The following PRTG variants were observed in gnomAD, a reference collection of about 807,000 sequenced individuals.
PRTG encodes the protein protogenin.
A neutral mutation model predicts 122.5 loss-of-function variants in PRTG; 67 were observed. The ratio of observed to expected loss-of-function variants is 0.55; its 90% confidence interval spans 0.45 to 0.67. PRTG has a LOEUF of 0.67. Ranked by LOEUF, PRTG falls within the 30% of genes least tolerant of loss-of-function variation. The probability of loss-of-function intolerance (pLI) is 0.00; values close to 1 mark genes in which losing one functional copy is unlikely to be tolerated. For missense variants in PRTG, 1,435 were observed against 1,415.4 expected, an observed-to-expected ratio of 1.01 and a Z score of -0.22; for synonymous variants, 554 against 501.1, an observed-to-expected ratio of 1.11 and a Z score of -1.41.
chr15:55,716,140 G>C (rs1055586975), intron 2 of PRTG, among the ~76,000 whole-genome samples: 4 of 152,176 alleles, frequency 2.6e-5, no homozygotes, highest in Admixed American at 2.0e-4. Context: ...GGCTGAGACG[G>C]GAGAATCGCT....
intron 2 of PRTG, among the ~76,000 whole-genome samples, chr15:55,707,294 A>G (rs1438646272): frequency 2.6e-5 from 4 of 152,236 alleles, no homozygotes; most frequent in African/African-American, 4.8e-5. Flanking sequence ...TGTACCTTCT[A>G]TAGGACAAAA....
At position 55,683,887 on chromosome 15, in the gene PRTG, C is replaced by T. The variant is rs749042100; in HGVS notation, c.442G>A (p.Glu148Lys). 4 of 1,613,480 alleles carry T rather than the reference C, an allele frequency of 2.5e-6. No individual in the cohort carries two copies. Among genetic ancestry groups the T allele is most frequent in the East Asian group, 4.5e-5 (2 of 44,858 alleles). Residue 148 changes from glutamate (E) to lysine (K), a missense_variant, in exon 3 of 20, where the codon GAA (glutamate) becomes AAA (lysine). Glu to Lys is a moderately conservative substitution (Grantham distance 56). Transcript: ENST00000389286. ...CATGCAAATCGAGCAACTCCACCTT[C>T]GTGGACCTCAGTGGAAATTGGCTGG... The part of the protein sequence containing the change: ...EVQPISTEVH[E>K]GGVARFACKI...
At chr15:55,705,491 G>A (rs982060240) in intron 2 of PRTG, among the ~76,000 whole-genome samples, 2 of 152,074 alleles carry the variant, frequency 1.3e-5, no homozygotes. Context: ...AGAGGGTCTC[G>A]CTCTGTCGCT....
chr15:55,723,112 G>C (rs967796270), intron 2 of PRTG, among the ~76,000 whole-genome samples: 1 of 152,016 alleles, frequency 6.6e-6, no homozygotes, highest in African/African-American at 2.4e-5. Flanking sequence ...CCCAAAACTG[G>C]TCCATGACCA....
chr15:55,699,104 A>G (rs1247820706), intron 2 of PRTG, among the ~76,000 whole-genome samples: 4 of 152,158 alleles, frequency 2.6e-5, no homozygotes, highest in African/African-American at 9.7e-5. Context: ...GGATTTTTGG[A>G]GCTAATAGAT....
chr15:55,691,588 G>A (rs1424839593), intron 2 of PRTG, among the ~76,000 whole-genome samples: 1 of 151,070 alleles, frequency 6.6e-6, no homozygotes, highest in African/African-American at 2.4e-5. Context: ...GGCTGAGGCA[G>A]AAGAATCGCC....
At chr15:55,659,749 G>A (rs902907436) in intron 11 of PRTG, among the ~76,000 whole-genome samples, 8 of 151,670 alleles carry the variant, frequency 5.3e-5, no homozygotes, top group African/African-American at 1.9e-4. Flanking sequence ...GTGAAACCCC[G>A]TCTCTACTAA....
At position 55,628,834 on chromosome 15, in the gene PRTG, C is replaced by T. The variant is rs377150140; in HGVS notation, c.2794G>A (p.Ala932Thr). The change falls in exon 16 of 20, where the codon GCT (alanine) becomes ACT (threonine). Residue 932 changes from alanine to threonine, a missense_variant. Coordinates refer to ENST00000389286, the MANE Select transcript of PRTG (RefSeq NM_173814.6). Reference sequence around the variant, plus strand: ...GCAGTATACAGACCTTTGGCATCAGCAGAATCTAAACGCTTGGGCCTCTGA... The same window carrying T: ...GCAGTATACAGACCTTTGGCATCAGTAGAATCTAAACGCTTGGGCCTCTGA... Reference protein sequence around the residue: ...SNQRPKRLDSADAKVYSGYYH... With the variant: ...SNQRPKRLDSTDAKVYSGYYH... The T allele has an allele frequency of 1.4e-5, 23 of 1,612,634 alleles. No individual in the cohort carries two copies. Among genetic ancestry groups the T allele is most frequent in the Non-Finnish European group, 1.9e-5 (22 of 1,179,268 alleles).
intron 17 of PRTG, among the ~76,000 whole-genome samples, 156 bp downstream of exon 17, chr15:55,626,852 T>C (rs1311249575): frequency 6.6e-6 from 1 of 152,220 alleles, no homozygotes; most frequent in Non-Finnish European, 1.5e-5. Context: ...ATGAGCACAT[T>C]TCTATAGCTG....
intron 13 of PRTG, among the ~76,000 whole-genome samples, chr15:55,639,109 C>A (rs1247171238): frequency 1.3e-5 from 2 of 152,168 alleles, no homozygotes; most frequent in Non-Finnish European, 2.9e-5. Flanking sequence ...GTAGCCAGGA[C>A]TACAGGCATG....
chr15:55,725,502 A>C (rs1390652304), intron 2 of PRTG, among the ~76,000 whole-genome samples: 1 of 151,894 alleles, frequency 6.6e-6, no homozygotes, highest in Non-Finnish European at 1.5e-5. Context: ...GACAGAGGTG[A>C]GAGGATCACC....
intron 7 of PRTG, among the ~76,000 whole-genome samples, chr15:55,678,369 C>A (rs762733969): frequency 6.6e-6 from 1 of 152,108 alleles, no homozygotes; most frequent in Non-Finnish European, 1.5e-5. Context: ...CTTGCCTCAT[C>A]CTCCTGAGTA....
intron 1 of PRTG, 136 bp downstream of exon 1, chr15:55,742,702 G>A (rs1171752226): frequency 1.9e-6 from 2 of 1,045,904 alleles, no homozygotes; most frequent in African/African-American, 1.7e-5. Flanking sequence ...GGGCGAGAGC[G>A]GGGGCCGGGG....
At chr15:55,633,711 T>C (rs539677102) in intron 15 of PRTG, among the ~76,000 whole-genome samples, 1 of 152,342 alleles carries the variant, frequency 6.6e-6, no homozygotes, top group East Asian at 1.9e-4. Flanking sequence ...ATTCCTTGCT[T>C]TTTGTTTAAA....
At chr15:55,630,369 C>G (rs1438814910) in intron 15 of PRTG, among the ~76,000 whole-genome samples, 1 of 152,098 alleles carries the variant, frequency 6.6e-6, no homozygotes, top group Non-Finnish European at 1.5e-5. Context: ...GTAATCTGCC[C>G]ACCTCGGCCT....
intron 11 of PRTG, among the ~76,000 whole-genome samples, chr15:55,670,902 AACACACACACACACACACAC>A (rs59455199): frequency 0.23 from 33,490 of 143,808 alleles, 4,617 homozygotes; most frequent in East Asian, 0.5. Context: ...CTCCGTCACA[AACACACACACACACACACAC>A]ACACACACAC....
At chr15:55,700,875 A>T (rs1201657657) in intron 2 of PRTG, among the ~76,000 whole-genome samples, 1 of 152,230 alleles carries the variant, frequency 6.6e-6, no homozygotes, top group Non-Finnish European at 1.5e-5. Flanking sequence ...TTTTAAAATC[A>T]CATACTGACA....
chr15:55,628,535 A>G (rs1224650483), intron 16 of PRTG, among the ~76,000 whole-genome samples: 1 of 151,968 alleles, frequency 6.6e-6, no homozygotes, highest in East Asian at 1.9e-4. Flanking sequence ...CACTCCTACC[A>G]GTTCATGGCT....
At chr15:55,688,457 T>TA (rs1298153773) in intron 2 of PRTG, among the ~76,000 whole-genome samples, 3 of 152,184 alleles carry the variant, frequency 2.0e-5, no homozygotes, top group Non-Finnish European at 2.9e-5. Context: ...TTCCCCTAAA[T>TA]ACCTCTTCCA....
Sources: gnomAD v4.1 joint callset for allele counts (sites outside exome capture counted in the v4.1 genomes callset) on GRCh38, gnomAD v4.1.1 for gene constraint, MANE v1.5 for transcripts, NCBI Gene and HGNC (gene_info 2026-07-23, HGNC 2026-07-21) for gene names.